Variants in SLC38A8 observed in about 807,000 individuals in gnomAD.
The protein encoded by SLC38A8 is solute carrier family 38 member 8, also known as amino acid transporter SLC38A8.
A neutral mutation model predicts 46.0 loss-of-function variants in SLC38A8; 65 were observed. The ratio of observed to expected loss-of-function variants is 1.41; its 90% CI spans 1.16 to 1.74. SLC38A8 has a LOEUF of 1.74. Among genes scored for constraint, SLC38A8 ranks in the 40% most tolerant of loss-of-function variants. SLC38A8 has a pLI of 0.00. For synonymous variants in SLC38A8, 447 were observed against 243.7 expected, an observed-to-expected ratio of 1.83 and a Z score of -7.77; for missense variants, 998 against 567.9, an observed-to-expected ratio of 1.76 and a Z score of -7.70.
chr16:84,036,615 G>C, intron 3 of SLC38A8, 87 bp downstream of exon 3: 1 of 1,470,750 alleles, frequency 6.8e-7, no homozygotes, highest in Non-Finnish European at 9.3e-7. Context: ...CCAGGCCAGG[G>C]CCCCACGTCC....
intron 2 of SLC38A8, chr16:84,040,974 C>T (rs983042676): frequency 1.3e-5 from 2 of 152,242 alleles, no homozygotes; most frequent in East Asian, 1.9e-4. Context: ...CAAACAGACC[C>T]GAAGAGCCTC....
At chr16:84,013,904 A>G (rs1288072992) in intron 9 of SLC38A8, among the ~76,000 whole-genome samples, 1 of 152,156 alleles carries the variant, frequency 6.6e-6, no homozygotes, top group Non-Finnish European at 1.5e-5. Flanking sequence ...TTAATCTAAC[A>G]GCCCAGACCA....
chr16:84,024,074 C>T (rs1223126050), intron 6 of SLC38A8, among the ~76,000 whole-genome samples: 1 of 152,172 alleles, frequency 6.6e-6, no homozygotes, highest in Non-Finnish European at 1.5e-5. Flanking sequence ...GTGTCCCTGG[C>T]CGGGACCTAC....
At chr16:84,011,754 G>C (rs539318723) in intron 10 of SLC38A8, among the ~76,000 whole-genome samples, 123 of 152,232 alleles carry the variant, frequency 8.1e-4, no homozygotes, top group African/African-American at 2.8e-3. Flanking sequence ...TGTGATGGTG[G>C]GCGTCTGTGG....
chr16:84,018,077 G>C (rs965615532), intron 7 of SLC38A8, among the ~76,000 whole-genome samples: 8 of 152,076 alleles, frequency 5.3e-5, no homozygotes, highest in African/African-American at 1.2e-4. Flanking sequence ...ATAAAGAAAA[G>C]AAACTTACTT....
At chr16:84,011,934 G>T (rs962595573) in intron 10 of SLC38A8, among the ~76,000 whole-genome samples, 3 of 152,142 alleles carry the variant, frequency 2.0e-5, no homozygotes, top group African/African-American at 7.2e-5. Context: ...CAGAGACACA[G>T]GGAGAAAGCT....
At chr16:84,035,756 A>G (rs1185428811) in intron 3 of SLC38A8, among the ~76,000 whole-genome samples, 1 of 152,268 alleles carries the variant, frequency 6.6e-6, no homozygotes, top group Non-Finnish European at 1.5e-5. Context: ...ATACTTCATA[A>G]TAAAAGGATA....
intron 6 of SLC38A8, among the ~76,000 whole-genome samples, chr16:84,026,965 G>C (rs928313205): frequency 1.5e-4 from 23 of 152,178 alleles, no homozygotes; most frequent in African/African-American, 5.1e-4. Flanking sequence ...TGGTTGCACA[G>C]CTCTGACTGT....
chr16:84,010,067 A>ATTTTTTT lies in SLC38A8; in HGVS notation c.1215-197_1215-191dup, dbSNP rs397855804. Among the ~76,000 whole-genome samples the ATTTTTTT allele has an allele frequency of 4.3e-3, 481 of 111,896 alleles. 17 individuals are homozygous for ATTTTTTT. The highest frequency in any genetic ancestry group is 0.014 in the African/African-American group (358 of 26,154). 73.4% of individuals were successfully genotyped at this position (111,896 alleles called of 152,430 possible). On this transcript the variant is annotated intron_variant, in intron 10 of 10. Coordinates refer to ENST00000299709, the MANE Select transcript of SLC38A8 (RefSeq NM_001080442.3). ...CAATGGGAAGCAAAGTACCCAGGCA[A>ATTTTTTT]TTTTTTTTTTTTTTTTTTTTTGAGG...
At chr16:84,040,673 G>C (rs7202966) in intron 2 of SLC38A8, among the ~76,000 whole-genome samples, 12,511 of 152,148 alleles carry the variant, frequency 0.082, 771 homozygotes, top group Middle Eastern at 0.18. Flanking sequence ...GCCCCGTCAC[G>C]TGCACCTCAG....
At chr16:84,036,617 C>A in intron 3 of SLC38A8, 85 bp downstream of exon 3, 1 of 1,490,730 alleles carries the variant, frequency 6.7e-7, no homozygotes, top group Non-Finnish European at 9.2e-7. Context: ...AGGCCAGGGC[C>A]CCACGTCCTG....
In SLC38A8 at chr16:84,013,491, C is replaced by T. The variant is rs1268350906; in HGVS notation, c.1163-439G>A. On this transcript the variant is annotated intron_variant, in intron 9 of 10. Transcript: ENST00000299709. Reference sequence around the variant, plus strand: ...CTGCTGCCAGGCTGGAGTGCAGTGGCACCATCTCGGCTCACTGCAACCTCC... The same window carrying T: ...CTGCTGCCAGGCTGGAGTGCAGTGGTACCATCTCGGCTCACTGCAACCTCC... Among the ~76,000 whole-genome samples, 5 of 125,868 alleles carry T rather than the reference C, an allele frequency of 4.0e-5. No homozygotes were observed. In the Admixed American group the frequency reaches 5.2e-4, roughly 13 times the overall value. 82.6% of individuals were successfully genotyped at this position (125,868 alleles called of 152,430 possible).
chr16:84,041,197 G>A (rs1461330640), intron 2 of SLC38A8: 1 of 152,338 alleles, frequency 6.6e-6, no homozygotes, highest in Non-Finnish European at 1.5e-5. Context: ...GGGAATTCTG[G>A]CTTTGCACCC....
At chr16:84,011,275 T>C (rs1005022125) in intron 10 of SLC38A8, among the ~76,000 whole-genome samples, 5 of 152,150 alleles carry the variant, frequency 3.3e-5, no homozygotes, top group Non-Finnish European at 7.3e-5. Context: ...GTAAAAACTG[T>C]TGTGAGCTCA....
intron 7 of SLC38A8, among the ~76,000 whole-genome samples, chr16:84,022,038 C>T (rs1231846924): frequency 2.9e-4 from 44 of 152,242 alleles, no homozygotes; most frequent in Admixed American, 2.9e-3. Flanking sequence ...GCAGAGGCCT[C>T]ATGCCCCAAT....
intron 1 of SLC38A8, 132 bp from the exon 2 acceptor site, chr16:84,042,291 G>T: frequency 2.1e-6 from 2 of 961,014 alleles, no homozygotes; most frequent in Non-Finnish European, 3.0e-6. Context: ...CTTGGCGTCA[G>T]CTCCCCCTTT....
At chr16:84,028,221 G>C (rs991909238) in intron 6 of SLC38A8, among the ~76,000 whole-genome samples, 1 of 152,130 alleles carries the variant, frequency 6.6e-6, no homozygotes, top group African/African-American at 2.4e-5. Context: ...GAATGGTTTT[G>C]TTGGTGCTGG....
At chr16:84,030,136 G>T (rs993042830) in intron 5 of SLC38A8, among the ~76,000 whole-genome samples, 4 of 152,190 alleles carry the variant, frequency 2.6e-5, no homozygotes, top group African/African-American at 9.6e-5. Context: ...AAAACAGACA[G>T]AGAGAACATG....
At chr16:84,031,493 C>G (rs2085237459) in intron 5 of SLC38A8, among the ~76,000 whole-genome samples, 1 of 152,232 alleles carries the variant, frequency 6.6e-6, no homozygotes, top group Non-Finnish European at 1.5e-5. Context: ...TGCCCTTGTT[C>G]CGGCTGGCTT....
Sources: gnomAD v4.1 joint callset for allele counts (sites outside exome capture counted in the v4.1 genomes callset) on GRCh38, gnomAD v4.1.1 for gene constraint, MANE v1.5 for transcripts, NCBI Gene and HGNC (gene_info 2026-07-23, HGNC 2026-07-21) for gene names.